Variants in PID1 observed in about 807,000 individuals in gnomAD.
PID1 encodes phosphotyrosine interaction domain containing 1.
Under a neutral mutation model 19.1 loss-of-function variants are expected in PID1, and 10 were observed. The observed-to-expected ratio is 0.52, with a 90% CI of 0.32 to 0.89. The LOEUF is 0.89. Among genes scored for constraint, PID1 ranks in the 40% least tolerant of loss-of-function variants. PID1 has a pLI of 0.03. For synonymous variants in PID1, 130 were observed against 116.0 expected (o/e 1.12, Z -0.78); for missense variants, 248 against 285.3 (o/e 0.87, Z 0.94).
intron 2 of PID1, among the ~76,000 whole-genome samples, chr2:229,044,396 A>C (rs1296241199): frequency 1.3e-5 from 2 of 150,864 alleles, no homozygotes; most frequent in Non-Finnish European, 3.0e-5. Context: ...TAGGACCTGC[A>C]CTCCACCACC....
chr2:229,068,961 A>C (rs1158395308), intron 2 of PID1, among the ~76,000 whole-genome samples: 1 of 152,100 alleles, frequency 6.6e-6, no homozygotes, highest in Non-Finnish European at 1.5e-5. Context: ...TCTCTCTCTC[A>C]GAGTGCCTAC....
intron 2 of PID1, among the ~76,000 whole-genome samples, chr2:229,050,049 G>GA (rs1279516012): frequency 6.6e-6 from 1 of 152,190 alleles, no homozygotes; most frequent in East Asian, 1.9e-4. Context: ...GGAAAAATAT[G>GA]AAAAAATGTC....
intron 1 of PID1, among the ~76,000 whole-genome samples, chr2:229,168,711 AT>A (rs1325237660): frequency 4.8e-5 from 7 of 144,684 alleles, no homozygotes; most frequent in Admixed American, 1.5e-4. Flanking sequence ...CTTCACAATA[AT>A]TTTTTTTCCT....
chr2:229,138,864 A>AG (rs940744812), intron 2 of PID1, among the ~76,000 whole-genome samples: 4 of 122,180 alleles, frequency 3.3e-5, no homozygotes, highest in African/African-American at 6.0e-5. Context: ...ATGTAGAAGG[A>AG]GGAAAAAAAA....
chr2:229,164,891 T>A (rs1690567854), intron 1 of PID1, among the ~76,000 whole-genome samples: 1 of 152,158 alleles, frequency 6.6e-6, no homozygotes, highest in South Asian at 2.1e-4. Flanking sequence ...GAGAATTCTG[T>A]AAATTTTCAG....
intron 2 of PID1, among the ~76,000 whole-genome samples, chr2:229,046,415 A>C (rs1281446232): frequency 6.9e-6 from 1 of 145,448 alleles, no homozygotes; most frequent in African/African-American, 2.6e-5. Flanking sequence ...GAGGGGGGGA[A>C]CCAAAAAACG....
At chr2:229,210,540 AAAAAAAAAAAAAAAC>A (rs1691709086) in intron 1 of PID1, among the ~76,000 whole-genome samples, 1 of 147,760 alleles carries the variant, frequency 6.8e-6, no homozygotes, top group African/African-American at 2.5e-5. Flanking sequence ...AAAAAAAAAA[AAAAAAAAAAAAAAAC>A]AACCTAGAAG....
chr2:229,156,287 G>T (rs1053537768), intron 1 of PID1, among the ~76,000 whole-genome samples: 1 of 152,222 alleles, frequency 6.6e-6, no homozygotes, highest in East Asian at 1.9e-4. Context: ...AATCCATGCA[G>T]ATTCAGCTAC....
chr2:229,249,981 G>T (rs1360861535), intron 1 of PID1, among the ~76,000 whole-genome samples: 1 of 152,202 alleles, frequency 6.6e-6, no homozygotes, highest in Non-Finnish European at 1.5e-5. Flanking sequence ...TGAAGAAGAT[G>T]GTTTAAGAGC....
intron 2 of PID1, among the ~76,000 whole-genome samples, chr2:229,116,852 T>C (rs1045094734): frequency 5.9e-5 from 9 of 152,146 alleles, no homozygotes; most frequent in Non-Finnish European, 8.8e-5. Flanking sequence ...GTTGCTTTTT[T>C]TCAGTTTCCT....
intron 2 of PID1, among the ~76,000 whole-genome samples, chr2:229,105,109 T>C (rs540140013): frequency 3.9e-5 from 6 of 152,084 alleles, no homozygotes; most frequent in Non-Finnish European, 8.8e-5. Context: ...TATTGGCCAA[T>C]AGACTTTTGA....
At chr2:229,172,785 G>A (rs1206078603) in intron 1 of PID1, among the ~76,000 whole-genome samples, 1 of 152,138 alleles carries the variant, frequency 6.6e-6, no homozygotes, top group Non-Finnish European at 1.5e-5. Context: ...AGACAGGAGT[G>A]CAATGGCGTA....
At chr2:229,191,952 C>T (rs1330719531) in intron 1 of PID1, among the ~76,000 whole-genome samples, 1 of 152,106 alleles carries the variant, frequency 6.6e-6, no homozygotes, top group Non-Finnish European at 1.5e-5. Flanking sequence ...ATAGCAAGCA[C>T]AAATTAAAGG....
chr2:229,102,233 G>A (rs776187543), intron 2 of PID1, among the ~76,000 whole-genome samples: 1 of 151,648 alleles, frequency 6.6e-6, no homozygotes, highest in Non-Finnish European at 1.5e-5. Flanking sequence ...ACAAGCTTGT[G>A]TTTTCCATAA....
chr2:229,094,225 C>A (rs1022797623), intron 2 of PID1, among the ~76,000 whole-genome samples: 31 of 152,020 alleles, frequency 2.0e-4, no homozygotes, highest in African/African-American at 7.5e-4. Flanking sequence ...CCTAGGAATA[C>A]ACTTAACCAA....
At chr2:229,146,319 G>A (rs1024701632) in intron 2 of PID1, among the ~76,000 whole-genome samples, 9 of 152,102 alleles carry the variant, frequency 5.9e-5, no homozygotes, top group African/African-American at 1.7e-4. Flanking sequence ...ACACTCCAGG[G>A]CCTGTCAGGG....
chr2:229,200,180 C>A (rs1340691077), intron 1 of PID1, among the ~76,000 whole-genome samples: 1 of 151,960 alleles, frequency 6.6e-6, no homozygotes, highest in African/African-American at 2.4e-5. Flanking sequence ...AGGCCATGGC[C>A]ATCTGAGGAG....
chr2:229,250,426 A>T (rs892725633), intron 1 of PID1, among the ~76,000 whole-genome samples: 2 of 152,230 alleles, frequency 1.3e-5, no homozygotes, highest in Admixed American at 6.5e-5. Flanking sequence ...TGACTGTTCA[A>T]ATCAGAGGAC....
intron 1 of PID1, among the ~76,000 whole-genome samples, chr2:229,225,367 A>G (rs528157695): frequency 6.6e-6 from 1 of 152,246 alleles, no homozygotes; most frequent in South Asian, 2.1e-4. Context: ...GTCATTCTCC[A>G]TCCTCTATGG....
Sources: gnomAD v4.1 joint callset for allele counts (sites outside exome capture counted in the v4.1 genomes callset) on GRCh38, gnomAD v4.1.1 for gene constraint, MANE v1.5 for transcripts, NCBI Gene and HGNC (gene_info 2026-07-23, HGNC 2026-07-21) for gene names.